ANTXR1: variants seen among roughly 807,000 people sequenced by gnomAD.
ANTXR1 encodes ANTXR cell adhesion molecule 1, also known as anthrax toxin receptor 1.
In ANTXR1, 19 loss-of-function variants were observed where a neutral mutation model predicts 78.1. The observed-to-expected ratio is 0.24, with a 90% CI of 0.17 to 0.36. ANTXR1 has a LOEUF of 0.36. Among genes scored for constraint, ANTXR1 ranks in the 10% least tolerant of loss-of-function variants. The pLI is 1.00. For missense variants in ANTXR1, 518 were observed against 718.6 expected (o/e 0.72, Z 3.19); for synonymous variants, 273 against 260.5 (o/e 1.05, Z -0.46).
At chr2:69,039,735 G>A (rs532304470) in intron 1 of ANTXR1, among the ~76,000 whole-genome samples, 4 of 152,094 alleles carry the variant, frequency 2.6e-5, no homozygotes, top group South Asian at 2.1e-4. Flanking sequence ...TCTCGAAGAC[G>A]CAAAACTCAT....
rs976141222 is a variant in ANTXR1, at chr2:69,245,580, C to T, written c.*95C>T. The T allele has an allele frequency of 7.1e-6, 11 of 1,543,118 alleles. No homozygotes were observed. Among genetic ancestry groups the T allele is most frequent in the Non-Finnish European group, 8.7e-6 (10 of 1,143,766 alleles). On this transcript the variant is annotated 3_prime_UTR_variant, in exon 18 of 18. Coordinates refer to ENST00000303714, the MANE Select transcript of ANTXR1 (RefSeq NM_032208.3). ...AGAAGAGGAGTGGTGATAAAGCCCACTGACCTTCACACATTCTAAAAATTG... is the reference window on the plus strand; with the variant it reads ...AGAAGAGGAGTGGTGATAAAGCCCATTGACCTTCACACATTCTAAAAATTG...
intron 7 of ANTXR1, 55 bp from the exon 8 acceptor site, chr2:69,077,353 C>T: frequency 6.2e-7 from 1 of 1,604,868 alleles, no homozygotes; most frequent in Non-Finnish European, 8.5e-7. Context: ...CCTAAATTTT[C>T]CACATCCAAG....
At chr2:69,031,638 T>A (rs1431532935) in intron 1 of ANTXR1, among the ~76,000 whole-genome samples, 1 of 152,152 alleles carries the variant, frequency 6.6e-6, no homozygotes, top group Non-Finnish European at 1.5e-5. Flanking sequence ...GGGCTTTCTG[T>A]CCCTCTGCTG....
intron 12 of ANTXR1, among the ~76,000 whole-genome samples, chr2:69,141,119 C>A (rs1348001391): frequency 2.0e-5 from 3 of 152,170 alleles, no homozygotes; most frequent in Non-Finnish European, 4.4e-5. Flanking sequence ...TAATCTGGGA[C>A]CACCCACTAA....
chr2:69,102,228 T>C (rs181123598), intron 9 of ANTXR1, among the ~76,000 whole-genome samples: 44 of 152,358 alleles, frequency 2.9e-4, no homozygotes, highest in East Asian at 2.3e-3. Flanking sequence ...AGGAATGCCA[T>C]AGTGGTATCA....
chr2:69,158,910 T>C (rs940384147), intron 13 of ANTXR1, among the ~76,000 whole-genome samples: 11 of 152,196 alleles, frequency 7.2e-5, no homozygotes, highest in African/African-American at 2.7e-4. Flanking sequence ...AACTCCTCCA[T>C]GGCGAGGAGA....
Position 69,183,199 on chromosome 2 carries a change from C to T in ANTXR1, c.1353+539C>T, listed in dbSNP as rs73934778. Among the ~76,000 whole-genome samples the T allele has an allele frequency of 7.7e-3, 1,172 of 152,222 alleles. 20 individuals are homozygous for T. Among genetic ancestry groups the T allele is most frequent in the African/African-American group, 0.026 (1,061 of 41,532 alleles). ...ATATAAGCCCATTCCCTTTTATTTGCGCCTCCTGCCAGTGTATCAGGGCCC... is the reference window on the plus strand; with the variant it reads ...ATATAAGCCCATTCCCTTTTATTTGTGCCTCCTGCCAGTGTATCAGGGCCC... On this transcript the variant is annotated intron_variant, in intron 16 of 17. Transcript: ENST00000303714.
At chr2:69,172,921 C>T (rs1040724088) in intron 14 of ANTXR1, among the ~76,000 whole-genome samples, 5 of 152,214 alleles carry the variant, frequency 3.3e-5, no homozygotes, top group African/African-American at 1.2e-4. Context: ...CAGTGGGGAT[C>T]CCTCCCTAAC....
intron 3 of ANTXR1, among the ~76,000 whole-genome samples, chr2:69,054,353 A>G (rs1670010795): frequency 6.6e-6 from 1 of 152,138 alleles, no homozygotes; most frequent in South Asian, 2.1e-4. Context: ...AAGCATACAT[A>G]ATTCACCACC....
intron 1 of ANTXR1, among the ~76,000 whole-genome samples, chr2:69,016,355 G>A (rs12185640): frequency 0.12 from 18,490 of 152,146 alleles, 1,217 homozygotes; most frequent in Admixed American, 0.16. Context: ...TAAAAAATGA[G>A]GGGTGTTCCT....
chr2:69,105,659 C>T (rs1380572863), intron 10 of ANTXR1, among the ~76,000 whole-genome samples: 3 of 152,298 alleles, frequency 2.0e-5, no homozygotes, highest in East Asian at 1.9e-4. Flanking sequence ...CACTTAGATT[C>T]CTTTACCTTT....
chr2:69,221,769 A>C (rs1675327476), intron 17 of ANTXR1, among the ~76,000 whole-genome samples: 1 of 152,160 alleles, frequency 6.6e-6, no homozygotes, highest in Non-Finnish European at 1.5e-5. Flanking sequence ...GGAAATAAAT[A>C]TGTACTTTGC....
intron 3 of ANTXR1, among the ~76,000 whole-genome samples, chr2:69,052,485 AAT>A (rs1669956320): frequency 6.6e-6 from 1 of 151,978 alleles, no homozygotes; most frequent in Non-Finnish European, 1.5e-5. Flanking sequence ...ATGCCAATTT[AAT>A]ATATCTCTTC....
intron 10 of ANTXR1, among the ~76,000 whole-genome samples, chr2:69,108,977 A>C (rs6713076): frequency 0.012 from 1,821 of 152,366 alleles, 30 homozygotes; most frequent in African/African-American, 0.042. Context: ...GTGAAGAGTT[A>C]GAAAGCCATA....
rs575082288 is a variant in ANTXR1, at chr2:69,151,399, A to G, written c.952-770A>G. Among the ~76,000 whole-genome samples, 20 of 152,160 alleles carry G rather than the reference A, an allele frequency of 1.3e-4. No individual in the cohort carries two copies. The South Asian group carries it at 4.2e-3, about 32-fold the overall frequency. On this transcript the variant is annotated intron_variant, in intron 12 of 17. Transcript: ENST00000303714. Reference sequence around the variant, plus strand: ...TAGGGAGGCAGGGTGGAGGGGACTTAGACCCGTGTTCCTAAGCAGCTTCCT... The same window carrying G: ...TAGGGAGGCAGGGTGGAGGGGACTTGGACCCGTGTTCCTAAGCAGCTTCCT...
At chr2:69,032,089 A>G (rs866185550) in intron 1 of ANTXR1, among the ~76,000 whole-genome samples, 17 of 152,266 alleles carry the variant, frequency 1.1e-4, no homozygotes, top group Non-Finnish European at 1.9e-4. Flanking sequence ...ACAAAAAGGA[A>G]TTATAGCTAT....
At chr2:69,019,717 T>C (rs7571550) in intron 1 of ANTXR1, among the ~76,000 whole-genome samples, 13,711 of 152,186 alleles carry the variant, frequency 0.09, 2,074 homozygotes, top group African/African-American at 0.31. Flanking sequence ...TTTTTCCTGA[T>C]CCTCTCCCTC....
chr2:69,158,337 T>C (rs569136197), intron 13 of ANTXR1, among the ~76,000 whole-genome samples: 13 of 152,350 alleles, frequency 8.5e-5, no homozygotes, highest in African/African-American at 3.1e-4. Context: ...CTTTATGTTC[T>C]CTATACAATT....
intron 8 of ANTXR1, chr2:69,090,504 G>T (rs957122488): frequency 1.4e-5 from 5 of 347,706 alleles, no homozygotes; most frequent in African/African-American, 1.1e-4. Flanking sequence ...CCTACCAATA[G>T]GAGTGGCCAT....
Sources: gnomAD v4.1 joint callset for allele counts (sites outside exome capture counted in the v4.1 genomes callset) on GRCh38, gnomAD v4.1.1 for gene constraint, MANE v1.5 for transcripts, NCBI Gene and HGNC (gene_info 2026-07-23, HGNC 2026-07-21) for gene names.